Variants in GRXCR2 observed in about 807,000 individuals in gnomAD.
The protein encoded by GRXCR2 is glutaredoxin domain-containing cysteine-rich protein 2.
In GRXCR2, 23 loss-of-function variants were observed where a neutral mutation model predicts 24.8. That is an observed-to-expected ratio of 0.93 (90% CI 0.67 to 1.32). GRXCR2 has a LOEUF of 1.32. Among genes scored for constraint, GRXCR2 ranks in the 40% most tolerant of loss-of-function variants. The pLI is 0.00. For missense variants in GRXCR2, 315 were observed against 303.4 expected, an observed-to-expected ratio of 1.04 and a Z score of -0.28; for synonymous variants, 130 against 116.1, an observed-to-expected ratio of 1.12 and a Z score of -0.77.
chr5:145,918,090 T>G (rs1757265885), intron 2 of GRXCR2, among the ~76,000 whole-genome samples: 3 of 152,222 alleles, frequency 2.0e-5, no homozygotes, highest in African/African-American at 4.8e-5. Flanking sequence ...CTGAACTCAT[T>G]AGTCCTCATT....
At chr5:145,861,012 A>G (rs1756328262) in intron 2 of GRXCR2, among the ~76,000 whole-genome samples, 1 of 151,922 alleles carries the variant, frequency 6.6e-6, no homozygotes, top group African/African-American at 2.4e-5. Context: ...TACTCCTTAT[A>G]GACTATGAAC....
intron 2 of GRXCR2, among the ~76,000 whole-genome samples, chr5:145,917,948 T>C (rs1487730310): frequency 6.6e-6 from 1 of 152,096 alleles, no homozygotes; most frequent in Non-Finnish European, 1.5e-5. Flanking sequence ...CACAGCTAAT[T>C]TTTGTATTTC....
At chr5:145,878,628 A>G (rs1049270977) in intron 2 of GRXCR2, among the ~76,000 whole-genome samples, 1 of 152,194 alleles carries the variant, frequency 6.6e-6, no homozygotes, top group African/African-American at 2.4e-5. Flanking sequence ...ACTCTGCAGG[A>G]TATCATCCAG....
At chr5:145,930,884 A>G (rs981540453) in intron 2 of GRXCR2, among the ~76,000 whole-genome samples, 1 of 152,234 alleles carries the variant, frequency 6.6e-6, no homozygotes, top group African/African-American at 2.4e-5. Flanking sequence ...AGTAGGTGCT[A>G]CTAGCATCCT....
intron 2 of GRXCR2, among the ~76,000 whole-genome samples, chr5:145,920,311 G>T (rs574528102): frequency 2.6e-5 from 4 of 152,252 alleles, no homozygotes; most frequent in South Asian, 4.1e-4. Context: ...AGATGCATAG[G>T]CCCTGCCCAG....
At chr5:145,923,926 G>A (rs560782384) in intron 2 of GRXCR2, among the ~76,000 whole-genome samples, 2 of 152,094 alleles carry the variant, frequency 1.3e-5, no homozygotes, top group South Asian at 4.2e-4. Flanking sequence ...ATATCCCTTT[G>A]CATACTTTGT....
At chr5:145,895,771 G>GA (rs1362627970) in intron 2 of GRXCR2, among the ~76,000 whole-genome samples, 4 of 152,050 alleles carry the variant, frequency 2.6e-5, no homozygotes, top group African/African-American at 4.8e-5. Flanking sequence ...CACAGAATTG[G>GA]AAAAAACTAC....
At chr5:145,893,913 C>G (rs540278949) in intron 2 of GRXCR2, among the ~76,000 whole-genome samples, 8 of 152,188 alleles carry the variant, frequency 5.3e-5, no homozygotes, top group African/African-American at 1.7e-4. Context: ...TGTAAAAGAA[C>G]AGAAATTATA....
upstream of GRXCR2, among the ~76,000 whole-genome samples, chr5:145,874,877 C>T (rs574156997): frequency 6.6e-6 from 1 of 152,320 alleles, no homozygotes; most frequent in South Asian, 2.1e-4. Context: ...ATTTCTCAAA[C>T]CCACAAGTTT....
intron 2 of GRXCR2, among the ~76,000 whole-genome samples, chr5:145,879,325 C>A (rs573838140): frequency 6.9e-6 from 1 of 145,630 alleles, no homozygotes; most frequent in African/African-American, 2.5e-5. Flanking sequence ...CACACATAGG[C>A]TCAAAATAAA....
chr5:145,915,845 A>G (rs1241338819), intron 2 of GRXCR2, among the ~76,000 whole-genome samples: 1 of 152,126 alleles, frequency 6.6e-6, no homozygotes, highest in Non-Finnish European at 1.5e-5. Flanking sequence ...CAGTGGGTTC[A>G]CCTCTAAGAG....
At chr5:145,883,150 C>T (rs1413085497) in intron 2 of GRXCR2, among the ~76,000 whole-genome samples, 2 of 151,100 alleles carry the variant, frequency 1.3e-5, no homozygotes, top group African/African-American at 4.9e-5. Flanking sequence ...GTGCACTTGT[C>T]CCCTAGAACT....
intron 2 of GRXCR2, among the ~76,000 whole-genome samples, chr5:145,899,298 G>A (rs1756993492): frequency 6.6e-6 from 1 of 152,116 alleles, no homozygotes; most frequent in African/African-American, 2.4e-5. Context: ...CTCATGGATT[G>A]AAAAAATCAA....
intron 2 of GRXCR2, among the ~76,000 whole-genome samples, chr5:145,923,082 A>G (rs898548406): frequency 1.1e-4 from 17 of 152,250 alleles, no homozygotes; most frequent in African/African-American, 4.1e-4. Flanking sequence ...AAATTTTAGA[A>G]TGCATCAGAA....
rs528279222 is a variant in GRXCR2 at position 145,882,232 on chromosome 5, C to A, written c.-69-15504G>T. On this transcript the variant is annotated intron_variant, in intron 2 of 3. Transcript: ENST00000639411. The stretch of plus-strand genomic sequence containing the variant: ...AGAAACTACCGTCAGAGTGAACAGG[C>A]AACCTACAGAATGGGAGAAAATTTT... 4.7e-4 allele frequency among the ~76,000 whole-genome samples: 72 copies of A among 152,214 alleles called. No individual in the cohort carries two copies. In the South Asian group the frequency reaches 0.01, roughly 22 times the overall value.
intron 2 of GRXCR2, among the ~76,000 whole-genome samples, chr5:145,920,275 A>G (rs1450964187): frequency 2.0e-5 from 3 of 152,180 alleles, no homozygotes; most frequent in Non-Finnish European, 2.9e-5. Context: ...CTGGATCCAC[A>G]TCAGCATCGC....
At chr5:145,878,182 G>A (rs1256670590) in intron 2 of GRXCR2, among the ~76,000 whole-genome samples, 1 of 152,216 alleles carries the variant, frequency 6.6e-6, no homozygotes, top group African/African-American at 2.4e-5. Flanking sequence ...ATCAAAGCTG[G>A]ATGGAGAATG....
intron 2 of GRXCR2, among the ~76,000 whole-genome samples, chr5:145,914,709 T>A (rs1757212860): frequency 6.9e-6 from 1 of 144,848 alleles, no homozygotes; most frequent in East Asian, 2.0e-4. Context: ...AAAATCTGAT[T>A]GAGTTTCTAC....
At chr5:145,893,371 T>C (rs1445045670) in intron 2 of GRXCR2, among the ~76,000 whole-genome samples, 3 of 152,206 alleles carry the variant, frequency 2.0e-5, no homozygotes, top group African/African-American at 4.8e-5. Flanking sequence ...CATCAGTGTG[T>C]TGTATTCAGG....
Sources: allele counts gnomAD v4.1 joint callset (sites outside exome capture counted in the v4.1 genomes callset), GRCh38; gene constraint gnomAD v4.1.1; transcripts MANE v1.5; gene names NCBI Gene and HGNC (gene_info 2026-07-23, HGNC 2026-07-21).